Variants in B3GLCT observed in about 807,000 individuals in gnomAD.
B3GLCT encodes the protein beta 3-glucosyltransferase.
Under a neutral mutation model 63.4 loss-of-function variants are expected in B3GLCT, and 65 were observed. The observed-to-expected ratio is 1.03, with a 90% CI of 0.84 to 1.26. The LOEUF (loss-of-function observed/expected upper bound fraction) is 1.26, where lower values mean the gene tolerates loss of function less well. B3GLCT is among the 50% of genes most tolerant of loss of function. The pLI is 0.00. For missense variants in B3GLCT, 577 were observed against 604.8 expected, an observed-to-expected ratio of 0.95 and a Z score of 0.48; for synonymous variants, 233 against 219.2, an observed-to-expected ratio of 1.06 and a Z score of -0.55.
chr13:31,258,262 C>T (rs1184671115), intron 6 of B3GLCT, among the ~76,000 whole-genome samples: 6 of 152,146 alleles, frequency 3.9e-5, no homozygotes, highest in East Asian at 1.9e-4. Flanking sequence ...AAACCTCTTC[C>T]GTCTTCAATC....
chr13:31,237,263 G>T (rs979880338), intron 4 of B3GLCT, among the ~76,000 whole-genome samples: 2 of 151,114 alleles, frequency 1.3e-5, no homozygotes, highest in Non-Finnish European at 2.9e-5. Flanking sequence ...CAACTTCTGA[G>T]AATTAAATGC....
At chr13:31,204,465 C>A (rs1434837732) in intron 1 of B3GLCT, among the ~76,000 whole-genome samples, 1 of 152,072 alleles carries the variant, frequency 6.6e-6, no homozygotes, top group Admixed American at 6.6e-5. Flanking sequence ...AGAGCTCAGA[C>A]CCGAAAGGGA....
intron 7 of B3GLCT, among the ~76,000 whole-genome samples, chr13:31,264,896 A>T (rs1291467666): frequency 6.6e-6 from 1 of 152,202 alleles, no homozygotes; most frequent in East Asian, 1.9e-4. Context: ...TTTTGCTGTA[A>T]TTGGGGTGAG....
chr13:31,275,279 G>A (rs1872731112), intron 9 of B3GLCT, among the ~76,000 whole-genome samples: 1 of 152,232 alleles, frequency 6.6e-6, no homozygotes, highest in South Asian at 2.1e-4. Context: ...TCTTACAAAT[G>A]AGAAGAGAGA....
chr13:31,218,888 A>G (rs1346722640), intron 2 of B3GLCT, among the ~76,000 whole-genome samples: 2 of 148,574 alleles, frequency 1.3e-5, no homozygotes, highest in Non-Finnish European at 3.0e-5. Context: ...TAATTTGTTG[A>G]TAGTTTTTAA....
At chr13:31,279,019 A>G (rs1005982401) in intron 10 of B3GLCT, among the ~76,000 whole-genome samples, 16 of 152,164 alleles carry the variant, frequency 1.1e-4, no homozygotes, top group Non-Finnish European at 1.5e-5. Flanking sequence ...CAGCACAGCT[A>G]TACTGTAATC....
intron 12 of B3GLCT, chr13:31,311,431 G>A (rs1385680672): frequency 6.6e-6 from 1 of 152,290 alleles, no homozygotes; most frequent in African/African-American, 2.4e-5. Flanking sequence ...ATTTTGATCT[G>A]TCACACATCA....
At chr13:31,240,723 A>C (rs1358943925) in intron 4 of B3GLCT, among the ~76,000 whole-genome samples, 1 of 152,016 alleles carries the variant, frequency 6.6e-6, no homozygotes, top group Admixed American at 6.6e-5. Flanking sequence ...TTTTCTTTTG[A>C]AGTGAAAGGA....
intron 12 of B3GLCT, among the ~76,000 whole-genome samples, chr13:31,316,799 C>T (rs569799197): frequency 6.6e-6 from 1 of 152,154 alleles, no homozygotes; most frequent in East Asian, 1.9e-4. Flanking sequence ...CCTATAAATT[C>T]ATTGTTTTCA....
At chr13:31,284,566 T>A in intron 10 of B3GLCT, 82 bp from the exon 11 acceptor site, 1 of 802,482 alleles carries the variant, frequency 1.2e-6, no homozygotes, top group Non-Finnish European at 2.2e-6. Flanking sequence ...TCTTCCTTTG[T>A]AGATGATTAT....
At position 31,223,850 on chromosome 13, in the gene B3GLCT, T is replaced by C. The variant is rs544567096; in HGVS notation, c.160+859T>C. Among the ~76,000 whole-genome samples, 3 of 152,250 alleles carry C rather than the reference T, an allele frequency of 2.0e-5. No individual in the cohort carries two copies. In the South Asian group the frequency reaches 6.2e-4, roughly 32 times the overall value. ...GGGTATGCGGTCCATGGGAGAAGTC[T>C]CCCTTCAGACACAGGGGGTTGGCTC... On this transcript the variant is annotated intron_variant, in intron 3 of 14. Coordinates refer to ENST00000343307, the MANE Select transcript of B3GLCT (RefSeq NM_194318.4).
intron 3 of B3GLCT, among the ~76,000 whole-genome samples, chr13:31,223,572 C>G (rs1869938762): frequency 6.6e-6 from 1 of 152,144 alleles, no homozygotes; most frequent in African/African-American, 2.4e-5. Flanking sequence ...TTGAAACACC[C>G]TCTCCGCCAT....
At chr13:31,296,545 G>C (rs538193359) in intron 12 of B3GLCT, among the ~76,000 whole-genome samples, 1 of 152,148 alleles carries the variant, frequency 6.6e-6, no homozygotes, top group South Asian at 2.1e-4. Context: ...TTCATATTGG[G>C]GATTAGATTT....
At chr13:31,246,314 A>G (rs1871192521) in intron 4 of B3GLCT, among the ~76,000 whole-genome samples, 1 of 152,188 alleles carries the variant, frequency 6.6e-6, no homozygotes, top group African/African-American at 2.4e-5. Flanking sequence ...CAAAGCTAAC[A>G]CTCGTAGCCT....
intron 10 of B3GLCT, among the ~76,000 whole-genome samples, chr13:31,282,686 A>G (rs1873135783): frequency 6.6e-6 from 1 of 151,526 alleles, no homozygotes; most frequent in Non-Finnish European, 1.5e-5. Context: ...CATGGAGGTT[A>G]TATTGACAAG....
chr13:31,304,218 A>G (rs199740254), intron 12 of B3GLCT, among the ~76,000 whole-genome samples: 9,618 of 46,962 alleles, frequency 0.2, 4 homozygotes, highest in South Asian at 0.36. Flanking sequence ...AGCCGCTGCA[A>G]AATCATGCCA....
Position 31,200,016 on chromosome 13 carries a change from G to T in B3GLCT, c.-69G>T. The T allele has an allele frequency of 9.8e-7, 1 of 1,020,508 alleles. No homozygotes were observed. The highest frequency in any genetic ancestry group is 4.3e-5 in the Admixed American group (1 of 23,192). The allele number at this position is 1,020,508 out of a possible 1,614,324, so 63.2% of individuals were successfully genotyped here. A position where few individuals can be genotyped will look rare whatever the true frequency, so the allele number is the denominator to read the frequency against. On this transcript the variant is annotated 5_prime_UTR_variant, in exon 1 of 15. Transcript: ENST00000343307. ...CGGCGGCAGGGCGGCGGCGGCAGCGGCGCAGCTCCGCTCCCCGCGCGTCTC... is the reference window on the plus strand; with the variant it reads ...CGGCGGCAGGGCGGCGGCGGCAGCGTCGCAGCTCCGCTCCCCGCGCGTCTC...
intron 6 of B3GLCT, among the ~76,000 whole-genome samples, chr13:31,257,586 G>A (rs541402992): frequency 6.6e-6 from 1 of 152,026 alleles, no homozygotes; most frequent in African/African-American, 2.4e-5. Context: ...TTGCTGAATT[G>A]AGGAAAAGTA....
chr13:31,223,118 T>C, intron 3 of B3GLCT, 127 bp downstream of exon 3: 1 of 701,800 alleles, frequency 1.4e-6, no homozygotes. Flanking sequence ...ATATTCTGTC[T>C]TTGGCCCAGC....
Sources: allele counts gnomAD v4.1 joint callset (sites outside exome capture counted in the v4.1 genomes callset), GRCh38; gene constraint gnomAD v4.1.1; transcripts MANE v1.5; gene names NCBI Gene and HGNC (gene_info 2026-07-23, HGNC 2026-07-21).